GFRAL: variants seen among roughly 807,000 people sequenced by gnomAD.
The protein encoded by GFRAL is GDNF family receptor alpha-like.
In GFRAL, 36 loss-of-function variants were observed where a neutral mutation model predicts 45.4. That is an observed-to-expected ratio of 0.79 (90% confidence interval 0.61 to 1.05). GFRAL has a LOEUF of 1.05. Among genes scored for constraint, GFRAL ranks in the 50% least tolerant of loss-of-function variants. The pLI, the probability that GFRAL is intolerant of heterozygous loss-of-function variation, is 0.00. For synonymous variants in GFRAL, 166 were observed against 154.1 expected, an observed-to-expected ratio of 1.08 and a Z score of -0.57; for missense variants, 507 against 467.5, an observed-to-expected ratio of 1.08 and a Z score of -0.78.
chr6:55,388,915 T>G (rs542145825), intron 6 of GFRAL, among the ~76,000 whole-genome samples: 1 of 152,272 alleles, frequency 6.6e-6, no homozygotes, highest in African/African-American at 2.4e-5. Context: ...CTTCCTGTTC[T>G]TCCCCCAGCT....
At chr6:55,370,080 A>G (rs1161063527) in intron 6 of GFRAL, among the ~76,000 whole-genome samples, 1 of 152,110 alleles carries the variant, frequency 6.6e-6, no homozygotes, top group Non-Finnish European at 1.5e-5. Flanking sequence ...TTCTTCCTCA[A>G]CTGGATAATT....
chr6:55,389,351 G>T (rs950933167), intron 6 of GFRAL, among the ~76,000 whole-genome samples: 1 of 151,990 alleles, frequency 6.6e-6, no homozygotes, highest in Non-Finnish European at 1.5e-5. Context: ...TGAAAGCCTA[G>T]TACTTATCTC....
At chr6:55,336,621 A>AT (rs1157057346) in intron 3 of GFRAL, among the ~76,000 whole-genome samples, 2 of 152,054 alleles carry the variant, frequency 1.3e-5, no homozygotes, top group African/African-American at 2.4e-5. Context: ...CAATTATTCT[A>AT]TTTTTTTGTA....
At chr6:55,341,173 T>C (rs990512180) in intron 3 of GFRAL, among the ~76,000 whole-genome samples, 1 of 152,158 alleles carries the variant, frequency 6.6e-6, no homozygotes, top group African/African-American at 2.4e-5. Context: ...TTGAAGAGAA[T>C]AGTGGTTCTC....
chr6:55,341,183 C>G (rs368494557), intron 3 of GFRAL, among the ~76,000 whole-genome samples: 19 of 152,170 alleles, frequency 1.2e-4, no homozygotes, highest in African/African-American at 4.6e-4. Context: ...TAGTGGTTCT[C>G]GCAGCACAGA....
chr6:55,345,779 T>G (rs1438344154), intron 3 of GFRAL, among the ~76,000 whole-genome samples: 1 of 152,044 alleles, frequency 6.6e-6, no homozygotes, highest in East Asian at 1.9e-4. Flanking sequence ...GGGAGAAAAT[T>G]TTTGCAATCT....
chr6:55,348,509 G>A (rs889382404), intron 3 of GFRAL, among the ~76,000 whole-genome samples: 4 of 151,912 alleles, frequency 2.6e-5, no homozygotes, highest in African/African-American at 4.8e-5. Context: ...CCCCAGTTCC[G>A]GATTACGAAA....
chr6:55,334,587 A>G (rs927800504), intron 3 of GFRAL, among the ~76,000 whole-genome samples: 3 of 152,200 alleles, frequency 2.0e-5, no homozygotes, highest in Non-Finnish European at 2.9e-5. Flanking sequence ...CAGCAGAGGA[A>G]TGCACCTGTT....
chr6:55,346,863 T>G (rs1392954626), intron 3 of GFRAL, among the ~76,000 whole-genome samples: 2 of 74,326 alleles, frequency 2.7e-5, no homozygotes, highest in East Asian at 1.1e-3. Flanking sequence ...AAAAACAAAG[T>G]AAGTGATGAA....
chr6:55,370,076 C>A (rs1483551935), intron 6 of GFRAL, among the ~76,000 whole-genome samples: 1 of 152,100 alleles, frequency 6.6e-6, no homozygotes, highest in African/African-American at 2.4e-5. Context: ...ACCATTCTTC[C>A]TCAACTGGAT....
rs533605337 is a variant in GFRAL, at chr6:55,384,801, C to T, written c.953-14379C>T. ...GCAGTTGGAATTTGCATCAGAACTT[C>T]GCAAATAGGAAAATCTCCCTTAAGT... On this transcript the variant is annotated intron_variant, in intron 6 of 8. Transcript: ENST00000340465. 3.5e-4 allele frequency among the ~76,000 whole-genome samples: 52 copies of T among 150,684 alleles called. No homozygotes were observed. The South Asian group carries it at 9.8e-3, about 28-fold the overall frequency.
At chr6:55,385,350 A>G (rs1454963326) in intron 6 of GFRAL, among the ~76,000 whole-genome samples, 1 of 152,114 alleles carries the variant, frequency 6.6e-6, no homozygotes, top group African/African-American at 2.4e-5. Flanking sequence ...ACTGCTGTTG[A>G]AGCTACATTC....
chr6:55,378,085 T>A (rs1350230082), intron 6 of GFRAL, among the ~76,000 whole-genome samples: 1 of 152,010 alleles, frequency 6.6e-6, no homozygotes, highest in Non-Finnish European at 1.5e-5. Flanking sequence ...TAGCCTTGAT[T>A]CCCTCAAACT....
rs537265723 is a variant in GFRAL at position 55,392,673 on chromosome 6, G to A, written c.953-6507G>A. 5.3e-5 allele frequency among the ~76,000 whole-genome samples: 8 copies of A among 152,108 alleles called. No homozygotes were observed. The South Asian group carries it at 1.7e-3, about 32-fold the overall frequency. ...TTTCAAACCTCAGGGTGAAAAGTTT[G>A]CTTGAACACATGGACAAATAGAGGG... On this transcript the variant is annotated intron_variant, in intron 6 of 8. Coordinates refer to ENST00000340465, the MANE Select transcript of GFRAL (RefSeq NM_207410.2).
At position 55,335,664 on chromosome 6, in the gene GFRAL, G is replaced by T. The variant is rs192906634; in HGVS notation, c.316+1720G>T. On this transcript the variant is annotated intron_variant, in intron 3 of 8. Transcript: ENST00000340465. ...TTTTCTTCCCTGCAAATATCTAATT[G>T]TTCCACCCACATTTGTGGAAAATAA... 2.3e-3 allele frequency among the ~76,000 whole-genome samples: 350 copies of T among 152,040 alleles called. 3 individuals carry two copies. The highest frequency in any genetic ancestry group is 8.2e-3 in the African/African-American group (341 of 41,504).
chr6:55,357,112 A>G (rs958858458), intron 5 of GFRAL, among the ~76,000 whole-genome samples: 2 of 151,920 alleles, frequency 1.3e-5, no homozygotes, highest in African/African-American at 4.8e-5. Flanking sequence ...TAGCTAACAT[A>G]TGGGTTACCA....
At chr6:55,349,762 TG>T (rs1477333935) in intron 3 of GFRAL, among the ~76,000 whole-genome samples, 1 of 120,450 alleles carries the variant, frequency 8.3e-6, no homozygotes, top group Non-Finnish European at 1.9e-5. Flanking sequence ...ATATTCCTTC[TG>T]TTTTTTTTTT....
intron 6 of GFRAL, among the ~76,000 whole-genome samples, chr6:55,361,128 C>A (rs535218040): frequency 6.6e-6 from 1 of 152,020 alleles, no homozygotes; most frequent in South Asian, 2.1e-4. Flanking sequence ...AATGAAAATT[C>A]AAAATGATTT....
intron 5 of GFRAL, among the ~76,000 whole-genome samples, chr6:55,356,904 T>A (rs1375905879): frequency 6.6e-6 from 1 of 151,878 alleles, no homozygotes; most frequent in Non-Finnish European, 1.5e-5. Context: ...CCATTTTCAT[T>A]GTTTTAATAC....
Sources: gnomAD v4.1 joint callset for allele counts (sites outside exome capture counted in the v4.1 genomes callset) on GRCh38, gnomAD v4.1.1 for gene constraint, MANE v1.5 for transcripts, NCBI Gene and HGNC (gene_info 2026-07-23, HGNC 2026-07-21) for gene names.